Variants in CCDC178 observed in about 807,000 individuals in gnomAD.
The protein encoded by CCDC178 is coiled-coil domain-containing protein 178.
A neutral mutation model predicts 117.4 loss-of-function variants in CCDC178; 126 were observed. The observed-to-expected ratio is 1.07, with a 90% CI of 0.93 to 1.24. The LOEUF is 1.24. Among genes scored for constraint, CCDC178 ranks in the 50% most tolerant of loss-of-function variants. CCDC178 has a pLI of 0.00. For synonymous variants in CCDC178, 283 were observed against 313.4 expected (o/e 0.90, Z 1.02); for missense variants, 1,030 against 986.9 (o/e 1.04, Z -0.59).
rs201552326 is a variant in CCDC178, at chr18:32,995,466, T to C, written c.2389-20785A>G. ...CATGAAATAGTATTTCACCAACTAATTTACATCAGATTTATTAAAGCCAAG... is the reference window on the plus strand; with the variant it reads ...CATGAAATAGTATTTCACCAACTAACTTACATCAGATTTATTAAAGCCAAG... On this transcript the variant is annotated intron_variant, in intron 21 of 22. Coordinates refer to ENST00000383096, the MANE Select transcript of CCDC178 (RefSeq NM_001105528.4). Among the ~76,000 whole-genome samples the C allele has an allele frequency of 1.1e-4, 16 of 152,204 alleles. No individual in the cohort carries two copies. In the East Asian group the frequency reaches 1.9e-3, roughly 18 times the overall value.
At chr18:33,436,360 T>G (rs2064290158) in intron 2 of CCDC178, among the ~76,000 whole-genome samples, 1 of 152,282 alleles carries the variant, frequency 6.6e-6, no homozygotes, top group East Asian at 1.9e-4. Flanking sequence ...ATGAGGATGA[T>G]GAAAGACATG....
At chr18:33,338,180 T>C (rs987372252) in intron 9 of CCDC178, among the ~76,000 whole-genome samples, 3 of 152,048 alleles carry the variant, frequency 2.0e-5, no homozygotes, top group African/African-American at 7.2e-5. Flanking sequence ...ATCAGGGAAA[T>C]GCAAATCAAA....
rs148608691 is a variant in CCDC178, at chr18:33,425,508, C to T, written c.-22-13398G>A. Reference sequence around the variant, plus strand: ...GTGTTTCAGAAATCTTAGCTGCTGACACCTCCTGAGTTTTATAATATAAAG... The same window carrying T: ...GTGTTTCAGAAATCTTAGCTGCTGATACCTCCTGAGTTTTATAATATAAAG... On this transcript the variant is annotated intron_variant, in intron 2 of 22. Transcript: ENST00000383096. Among the ~76,000 whole-genome samples, 1,209 of 152,292 alleles carry T rather than the reference C, an allele frequency of 7.9e-3. 66 individuals carry two copies. Among genetic ancestry groups the T allele is most frequent in the Admixed American group, 0.07 (1,071 of 15,288 alleles).
intron 5 of CCDC178, among the ~76,000 whole-genome samples, chr18:33,379,476 CCTGGAGTATA>C: frequency 6.6e-6 from 1 of 152,046 alleles, no homozygotes; most frequent in South Asian, 2.1e-4. Context: ...TAGGATGATT[CCTGGAGTATA>C]CAGTCTGAGT....
intron 19 of CCDC178, among the ~76,000 whole-genome samples, chr18:33,213,710 TA>T: frequency 6.6e-6 from 1 of 152,172 alleles, no homozygotes; most frequent in South Asian, 2.1e-4. Context: ...CTCACAGTGA[TA>T]AAACAAGTGG....
intron 11 of CCDC178, among the ~76,000 whole-genome samples, chr18:33,317,758 C>T (rs2062440218): frequency 6.6e-6 from 1 of 152,068 alleles, no homozygotes; most frequent in Non-Finnish European, 1.5e-5. Context: ...CAGTGCAATG[C>T]CTACATGACA....
rs2059747014 is a variant in CCDC178, at chr18:33,261,292, C to T, written c.1409+5624G>A. On this transcript the variant is annotated intron_variant, in intron 14 of 22. Transcript: ENST00000383096. ...TAGAGACGGGGTTTCACCGTGTTAG[C>T]CAGGATGGTCTCGATCTCCTGACCT... 2.6e-5 allele frequency among the ~76,000 whole-genome samples: 4 copies of T among 151,996 alleles called. No individual in the cohort carries two copies. In the South Asian group the frequency reaches 6.2e-4, roughly 24 times the overall value.
At chr18:33,351,815 G>C (rs1305017457) in intron 7 of CCDC178, among the ~76,000 whole-genome samples, 1 of 152,098 alleles carries the variant, frequency 6.6e-6, no homozygotes, top group Non-Finnish European at 1.5e-5. Flanking sequence ...GCCTCCCAAA[G>C]TACTTGGATT....
intron 21 of CCDC178, among the ~76,000 whole-genome samples, chr18:32,997,942 C>T (rs761963915): frequency 2.0e-5 from 3 of 152,216 alleles, no homozygotes; most frequent in Non-Finnish European, 4.4e-5. Context: ...GAAACCCTCA[C>T]TGATTGTCCT....
intron 20 of CCDC178, among the ~76,000 whole-genome samples, chr18:33,206,936 A>G (rs1198431715): frequency 1.3e-5 from 2 of 152,198 alleles, no homozygotes; most frequent in Non-Finnish European, 2.9e-5. Context: ...TGATATATGT[A>G]GCATCCACAT....
intron 20 of CCDC178, among the ~76,000 whole-genome samples, chr18:33,203,491 T>C (rs534196416): frequency 4.6e-5 from 7 of 152,306 alleles, no homozygotes; most frequent in South Asian, 2.1e-4. Flanking sequence ...TACATAGTCA[T>C]TGATTATTTT....
intron 20 of CCDC178, among the ~76,000 whole-genome samples, chr18:33,208,498 A>C (rs1298659134): frequency 6.6e-6 from 1 of 152,012 alleles, no homozygotes; most frequent in African/African-American, 2.4e-5. Flanking sequence ...CTGTTTTTCA[A>C]ATCTTCCATC....
At chr18:33,262,230 G>C (rs1599070189) in intron 14 of CCDC178, among the ~76,000 whole-genome samples, 1 of 152,240 alleles carries the variant, frequency 6.6e-6, no homozygotes, top group East Asian at 1.9e-4. Context: ...ATAATTTAAA[G>C]TACTTCTGCA....
intron 20 of CCDC178, among the ~76,000 whole-genome samples, chr18:33,167,457 G>T (rs183901072): frequency 2.0e-5 from 3 of 152,232 alleles, no homozygotes; most frequent in Admixed American, 2.0e-4. Context: ...CAGCCATTCT[G>T]ACCAGTATGA....
chr18:32,999,175 AG>A (rs1359616605), intron 21 of CCDC178, among the ~76,000 whole-genome samples: 1 of 152,090 alleles, frequency 6.6e-6, no homozygotes, highest in Non-Finnish European at 1.5e-5. Context: ...TTGGGCCTTG[AG>A]TGAAGACTGG....
At chr18:32,938,297 G>T (rs2054165110) in intron 22 of CCDC178, 1 of 488,406 alleles carries the variant, frequency 2.0e-6, no homozygotes, top group African/African-American at 2.0e-5. Flanking sequence ...AAAAATTAAA[G>T]TCCAACTAAC....
At chr18:33,162,880 T>C (rs1356091278) in intron 20 of CCDC178, among the ~76,000 whole-genome samples, 1 of 152,158 alleles carries the variant, frequency 6.6e-6, no homozygotes, top group Non-Finnish European at 1.5e-5. Flanking sequence ...TTGTGAATAG[T>C]GCTGCAATGA....
At chr18:33,317,419 G>A (rs774572073) in intron 11 of CCDC178, among the ~76,000 whole-genome samples, 3 of 152,112 alleles carry the variant, frequency 2.0e-5, no homozygotes, top group East Asian at 1.9e-4. Flanking sequence ...CTCTGGACAC[G>A]CCGCCTTTAA....
At chr18:33,174,617 G>A (rs2058641731) in intron 20 of CCDC178, among the ~76,000 whole-genome samples, 1 of 152,064 alleles carries the variant, frequency 6.6e-6, no homozygotes, top group Admixed American at 6.6e-5. Context: ...ACCACCTGAG[G>A]ATAAGACAAA....
Sources: allele counts gnomAD v4.1 joint callset (sites outside exome capture counted in the v4.1 genomes callset), GRCh38; gene constraint gnomAD v4.1.1; transcripts MANE v1.5; gene names NCBI Gene and HGNC (gene_info 2026-07-23, HGNC 2026-07-21).